IQCK: variants seen among roughly 807,000 people sequenced by gnomAD.
The protein encoded by IQCK is IQ domain-containing protein K.
IQCK carries 29 observed loss-of-function variants against 28.1 expected under a neutral mutation model. The ratio of observed to expected loss-of-function variants is 1.03; its 90% CI spans 0.77 to 1.41. The LOEUF (loss-of-function observed/expected upper bound fraction) is 1.41, where lower values mean the gene tolerates loss of function less well. Ranked by LOEUF, IQCK falls within the 40% of genes most tolerant of loss-of-function variation. The pLI is 0.00. For synonymous variants in IQCK, 113 were observed against 115.1 expected, an observed-to-expected ratio of 0.98 and a Z score of 0.12; for missense variants, 359 against 314.7, an observed-to-expected ratio of 1.14 and a Z score of -1.07.
chr16:19,770,734 T>A (rs2055309233), intron 6 of IQCK, among the ~76,000 whole-genome samples: 1 of 152,188 alleles, frequency 6.6e-6, no homozygotes, highest in African/African-American at 2.4e-5. Flanking sequence ...GTGATTCTTC[T>A]GCCTAACCCT....
chr16:19,833,469 G>A (rs997492076), intron 9 of IQCK, among the ~76,000 whole-genome samples: 2 of 152,132 alleles, frequency 1.3e-5, no homozygotes, highest in Admixed American at 1.3e-4. Context: ...AAGGAAATAC[G>A]ATTATTAATG....
intron 7 of IQCK, among the ~76,000 whole-genome samples, chr16:19,821,923 T>A (rs1006951663): frequency 6.6e-6 from 1 of 150,594 alleles, no homozygotes; most frequent in Non-Finnish European, 1.5e-5. Context: ...AAACAAAAAA[T>A]TAAAAAATTA....
intron 6 of IQCK, among the ~76,000 whole-genome samples, chr16:19,786,275 C>T (rs74013321): frequency 0.054 from 8,204 of 152,008 alleles, 696 homozygotes; most frequent in African/African-American, 0.18. Flanking sequence ...GGAGCCCGGG[C>T]GGGGCGGGTG....
At chr16:19,839,011 T>A (rs2141108605) in intron 9 of IQCK, among the ~76,000 whole-genome samples, 1 of 79,148 alleles carries the variant, frequency 1.3e-5, no homozygotes, top group Non-Finnish European at 2.1e-5. Context: ...AGAGTGAGAC[T>A]CCATAGCAAA....
intron 1 of IQCK, among the ~76,000 whole-genome samples, chr16:19,730,207 C>T (rs1232823440): frequency 2.6e-5 from 4 of 152,204 alleles, no homozygotes; most frequent in African/African-American, 4.8e-5. Flanking sequence ...CCTCCTGCCT[C>T]GGCCTCCAAA....
At chr16:19,783,503 C>T (rs1315397914) in intron 6 of IQCK, among the ~76,000 whole-genome samples, 5 of 152,178 alleles carry the variant, frequency 3.3e-5, no homozygotes, top group Admixed American at 1.3e-4. Context: ...CTGTGATTGA[C>T]GTGTTCATCT....
chr16:19,772,839 A>G (rs1042194229), intron 6 of IQCK, among the ~76,000 whole-genome samples: 11 of 151,958 alleles, frequency 7.2e-5, no homozygotes, highest in Admixed American at 1.3e-4. Context: ...CCCCATCTCT[A>G]TAAAAAATCA....
intron 6 of IQCK, among the ~76,000 whole-genome samples, chr16:19,783,852 C>T (rs777196405): frequency 5.9e-5 from 9 of 152,106 alleles, no homozygotes; most frequent in Non-Finnish European, 8.8e-5. Flanking sequence ...TTGGAGATGT[C>T]GTTGTGATGC....
intron 7 of IQCK, among the ~76,000 whole-genome samples, chr16:19,802,409 C>A (rs114076407): frequency 1.4e-3 from 62 of 43,754 alleles, no homozygotes; most frequent in African/African-American, 7.0e-3. Flanking sequence ...TAACCATGGG[C>A]AGATTATGTA....
intron 9 of IQCK, among the ~76,000 whole-genome samples, chr16:19,835,506 G>C (rs554935564): frequency 6.6e-6 from 1 of 151,750 alleles, no homozygotes; most frequent in African/African-American, 2.4e-5. Context: ...TAGTTGGCTT[G>C]TATTATGAAC....
chr16:19,814,437 T>C (rs1461046311), intron 7 of IQCK, among the ~76,000 whole-genome samples: 1 of 151,778 alleles, frequency 6.6e-6, no homozygotes, highest in Non-Finnish European at 1.5e-5. Flanking sequence ...TGTGAACTAA[T>C]AAATCAGTAG....
chr16:19,858,030 C>T (rs2141134252), exon 10 of IQCK: 1 of 153,948 alleles, frequency 6.5e-6, no homozygotes, highest in South Asian at 2.1e-4. Flanking sequence ...AGATGCTCTC[C>T]TCCCGGGTCG....
chr16:19,733,969 CAT>C (rs1977924286), intron 3 of IQCK, 142 bp downstream of exon 3: 1 of 727,006 alleles, frequency 1.4e-6, no homozygotes, highest in Non-Finnish European at 2.2e-6. Context: ...TTTTAAGAGA[CAT>C]GTCCTTTATT....
chr16:19,837,791 T>C (rs764684984), intron 9 of IQCK, among the ~76,000 whole-genome samples: 6 of 152,238 alleles, frequency 3.9e-5, no homozygotes, highest in Non-Finnish European at 8.8e-5. Flanking sequence ...AAAAAGTGAT[T>C]ACATGGGTTT....
chr16:19,759,558 A>G lies in IQCK; in HGVS notation c.475-4290A>G, dbSNP rs546100559. ...GGATATAAAGAAAAAAAAGACATGT[A>G]TATGTGGCCTGTCGTCACAGAGCTT... On this transcript the variant is annotated intron_variant, in intron 4 of 7. Transcript: ENST00000564186. Among the ~76,000 whole-genome samples the G allele has an allele frequency of 2.6e-5, 4 of 152,258 alleles. No individual in the cohort carries two copies. In the South Asian group the frequency reaches 6.2e-4, roughly 24 times the overall value.
In IQCK at chr16:19,729,684, G is replaced by A. The variant is rs568179470; in HGVS notation, c.182-746G>A. Among the ~76,000 whole-genome samples the A allele has an allele frequency of 3.6e-3, 536 of 150,342 alleles. 5 individuals carry two copies. The highest frequency in any genetic ancestry group is 0.012 in the African/African-American group (494 of 40,928). ...TTTTGAGATGGAGTCTCGCTCTGTC[G>A]CCCAGGCTGGAGTGCAGTGGCGCAA... On this transcript the variant is annotated intron_variant, in intron 1 of 7. Coordinates refer to ENST00000564186, the Ensembl canonical transcript of IQCK.
chr16:19,804,778 G>A (rs1477983168), intron 7 of IQCK, among the ~76,000 whole-genome samples: 1 of 152,220 alleles, frequency 6.6e-6, no homozygotes, highest in Non-Finnish European at 1.5e-5. Flanking sequence ...TGATGGGCTG[G>A]CATTTAGCCA....
chr16:19,804,343 C>CA (rs1011823968), intron 7 of IQCK, among the ~76,000 whole-genome samples: 101 of 144,680 alleles, frequency 7.0e-4, no homozygotes, highest in South Asian at 1.8e-3. Flanking sequence ...GACTTCATCT[C>CA]AAAAAAAAAA....
At chr16:19,756,688 G>A (rs935337597) in intron 4 of IQCK, among the ~76,000 whole-genome samples, 2 of 152,020 alleles carry the variant, frequency 1.3e-5, no homozygotes, top group Non-Finnish European at 2.9e-5. Flanking sequence ...AGATGGTCAC[G>A]AGGTCAGGAC....
Sources: gnomAD v4.1 joint callset for allele counts (sites outside exome capture counted in the v4.1 genomes callset) on GRCh38, gnomAD v4.1.1 for gene constraint, MANE v1.5 for transcripts, NCBI Gene and HGNC (gene_info 2026-07-23, HGNC 2026-07-21) for gene names.